The following CHRM2 variants were observed in gnomAD, a reference collection of about 807,000 sequenced individuals.
CHRM2 encodes muscarinic acetylcholine receptor M2.
A neutral mutation model predicts 25.0 loss-of-function variants in CHRM2; 8 were observed. The ratio of observed to expected loss-of-function variants is 0.32; its 90% CI spans 0.19 to 0.58. The LOEUF is 0.58. Among genes scored for constraint, CHRM2 ranks in the 20% least tolerant of loss-of-function variants. The pLI is 0.88. For missense variants in CHRM2, 440 were observed against 567.1 expected, an observed-to-expected ratio of 0.78 and a Z score of 2.28; for synonymous variants, 202 against 205.7, an observed-to-expected ratio of 0.98 and a Z score of 0.15.
intron 3 of CHRM2, among the ~76,000 whole-genome samples, chr7:136,994,288 T>C (rs1050305343): frequency 6.6e-6 from 1 of 152,222 alleles, no homozygotes. Flanking sequence ...TTTGTATCCA[T>C]GCTTACTGCA....
chr7:136,871,383 C>G (rs1795832641), intron 2 of CHRM2: 1 of 152,586 alleles, frequency 6.6e-6, no homozygotes. Context: ...CGGGCGGCAG[C>G]TTTTCTCCAT....
At chr7:136,944,100 G>GT (rs1414637116) in intron 2 of CHRM2, among the ~76,000 whole-genome samples, 2 of 152,046 alleles carry the variant, frequency 1.3e-5, no homozygotes, top group East Asian at 1.9e-4. Context: ...ATTTCAGTGG[G>GT]TTTTGGGGGA....
chr7:136,876,378 C>G (rs927538904), intron 2 of CHRM2, among the ~76,000 whole-genome samples: 2 of 152,144 alleles, frequency 1.3e-5, no homozygotes, highest in African/African-American at 4.8e-5. Flanking sequence ...GCAATATACA[C>G]TTACATTTGT....
At chr7:136,886,117 C>G (rs1796455072) in intron 2 of CHRM2, among the ~76,000 whole-genome samples, 1 of 152,182 alleles carries the variant, frequency 6.6e-6, no homozygotes, top group Non-Finnish European at 1.5e-5. Flanking sequence ...CTACACCATC[C>G]TATTTCATTT....
intron 2 of CHRM2, 29 bp from the exon 3 acceptor site, chr7:136,992,156 CCA>C (rs201993606): frequency 7.2e-4 from 109 of 152,034 alleles, no homozygotes; most frequent in African/African-American, 2.6e-3. Context: ...TTACTGTTTC[CCA>C]CACATGTTTT....
intron 2 of CHRM2, among the ~76,000 whole-genome samples, chr7:136,895,975 T>G (rs1184409350): frequency 1.3e-5 from 2 of 152,162 alleles, no homozygotes; most frequent in Non-Finnish European, 1.5e-5. Context: ...GAATATACTA[T>G]TTACGTTAAA....
Position 136,940,715 on chromosome 7 carries a change from C to A in CHRM2, c.-124-51472C>A, listed in dbSNP as rs539416396. Among the ~76,000 whole-genome samples the A allele has an allele frequency of 2.0e-5, 3 of 152,264 alleles. No homozygotes were observed. The South Asian group carries it at 6.2e-4, about 32-fold the overall frequency. On this transcript the variant is annotated intron_variant, in intron 2 of 3. Transcript: ENST00000680005. Reference sequence around the variant, plus strand: ...CATTGATTAAGCTCCAAACCACGAACAAAAGCATTTGTATTTAATCCTTTC... The same window carrying A: ...CATTGATTAAGCTCCAAACCACGAAAAAAAGCATTTGTATTTAATCCTTTC...
chr7:137,007,180 C>T (rs1025619824), intron 3 of CHRM2, among the ~76,000 whole-genome samples: 3 of 152,210 alleles, frequency 2.0e-5, no homozygotes, highest in African/African-American at 7.2e-5. Context: ...ATCTGACCAG[C>T]CTTGCTCCAT....
intron 2 of CHRM2, among the ~76,000 whole-genome samples, chr7:136,880,589 T>C (rs1177048943): frequency 6.6e-6 from 1 of 151,974 alleles, no homozygotes; most frequent in Admixed American, 6.6e-5. Context: ...TGTTACTATA[T>C]ATAATTATTG....
At chr7:136,883,595 C>A (rs749379783) in intron 2 of CHRM2, among the ~76,000 whole-genome samples, 8 of 152,082 alleles carry the variant, frequency 5.3e-5, no homozygotes, top group Non-Finnish European at 1.0e-4. Context: ...GAAGGTTCCA[C>A]ATGATTATTT....
rs1440996076 is a variant in CHRM2, at chr7:136,912,111, C to CT, written c.-125+42698dup. On this transcript the variant is annotated intron_variant, in intron 2 of 3. Transcript: ENST00000680005. ...AATTTTTATATCTTCATATGGTTGT[C>CT]TTTTTATAGGATTTTTTTTAATATC... is the stretch of plus-strand genomic sequence containing the variant. Among the ~76,000 whole-genome samples the CT allele has an allele frequency of 1.5e-4, 22 of 151,634 alleles. No homozygotes were observed. In the South Asian group the frequency reaches 1.7e-3, roughly 11 times the overall value.
chr7:136,887,571 C>A (rs901829193), intron 2 of CHRM2, among the ~76,000 whole-genome samples: 1 of 152,166 alleles, frequency 6.6e-6, no homozygotes, highest in African/African-American at 2.4e-5. Context: ...ACAATTAATT[C>A]TCCAGAGAAG....
At chr7:136,999,736 A>T (rs2131056257) in intron 3 of CHRM2, among the ~76,000 whole-genome samples, 1 of 152,326 alleles carries the variant, frequency 6.6e-6, no homozygotes, top group Non-Finnish European at 1.5e-5. Flanking sequence ...CAGGATAAGT[A>T]AATAGTACAG....
At chr7:137,012,627 C>T (rs896777600) in intron 3 of CHRM2, among the ~76,000 whole-genome samples, 2 of 151,900 alleles carry the variant, frequency 1.3e-5, no homozygotes, top group African/African-American at 4.8e-5. Context: ...TTTTACTAGC[C>T]GCATAATATT....
chr7:136,870,013 A>T (rs1795755042), intron 2 of CHRM2: 1 of 152,470 alleles, frequency 6.6e-6, no homozygotes, highest in Admixed American at 6.5e-5. Context: ...AAGGAGGAGA[A>T]GCAATTAGAA....
Position 137,015,710 on chromosome 7 carries a change from G to A in CHRM2, c.845G>A (p.Ser282Asn). 15 of 1,613,254 alleles carry A rather than the reference G, an allele frequency of 9.3e-6. No homozygotes were observed. Among genetic ancestry groups the A allele is most frequent in the Non-Finnish European group, 1.3e-5 (15 of 1,179,558 alleles). Reference protein sequence around the residue: ...ENCVQGEEKESSNDSTSVSAV... With the variant: ...ENCVQGEEKENSNDSTSVSAV... ...TGTGTTCAGGGAGAGGAGAAGGAGA[G>A]CTCCAATGACTCCACCTCAGTCAGT... The change falls in exon 4 of 4, where the codon AGC becomes AAC. Residue 282 changes from serine (S) to asparagine (N), a missense_variant. Physicochemically the swap from Ser to Asn is conservative, Grantham distance 46. Transcript: ENST00000680005. This position sits in a 1 kb window ranked among gnomAD's most constrained non-coding sequence, Gnocchi z 5.1.
intron 3 of CHRM2, among the ~76,000 whole-genome samples, chr7:137,004,633 C>A (rs1380947138): frequency 6.6e-6 from 1 of 152,102 alleles, no homozygotes; most frequent in Admixed American, 6.6e-5. Flanking sequence ...ACCAAAAAGT[C>A]ATTTCATTTC....
rs56915229 is a variant in CHRM2 at position 136,889,047 on chromosome 7, CAAAAAAAAAAAAAAA to C, written c.-125+19641_-125+19655del. 2.1e-4 allele frequency among the ~76,000 whole-genome samples: 14 copies of C among 66,492 alleles called. No individual in the cohort carries two copies. In the South Asian group the frequency reaches 8.6e-3, roughly 41 times the overall value. The allele number at this position is 66,492 out of a possible 152,430, so 43.6% of individuals were successfully genotyped here. On this transcript the variant is annotated intron_variant, in intron 2 of 3. Transcript: ENST00000680005. ...TGGGCGACAGAGCGAGACTACATCT[CAAAAAAAAAAAAAAA>C]AAAAAAAAAAAGTAATTACCATTTC... is the stretch of plus-strand genomic sequence containing the variant.
At chr7:136,934,558 G>C (rs1418353477) in intron 2 of CHRM2, among the ~76,000 whole-genome samples, 1 of 151,878 alleles carries the variant, frequency 6.6e-6, no homozygotes, top group African/African-American at 2.4e-5. Flanking sequence ...CTCCCTCTTG[G>C]ACATTTTGCT....
Sources: gnomAD v4.1 joint callset for allele counts (sites outside exome capture counted in the v4.1 genomes callset) on GRCh38, gnomAD v4.1.1 for gene constraint, Gnocchi (gnomAD v3.1) non-coding constraint, MANE v1.5 for transcripts, NCBI Gene and HGNC (gene_info 2026-07-23, HGNC 2026-07-21) for gene names.